PJVK: variants seen among roughly 807,000 people sequenced by gnomAD.
PJVK encodes autosomal recessive deafness type 59 protein.
A neutral mutation model predicts 37.6 loss-of-function variants in PJVK; 33 were observed. The observed-to-expected ratio is 0.88, with a 90% CI of 0.67 to 1.17. PJVK has a LOEUF of 1.17. PJVK is among the 50% of genes most tolerant of loss of function. PJVK has a pLI of 0.00. For missense variants in PJVK, 410 were observed against 413.8 expected, an observed-to-expected ratio of 0.99 and a Z score of 0.08; for synonymous variants, 141 against 143.5, an observed-to-expected ratio of 0.98 and a Z score of 0.13.
At chr2:178,457,742 G>T (rs1684221944) in intron 4 of PJVK, among the ~76,000 whole-genome samples, 1 of 152,178 alleles carries the variant, frequency 6.6e-6, no homozygotes, top group Non-Finnish European at 1.5e-5. Flanking sequence ...GCAGGTTCGA[G>T]CTCAGGACTT....
At chr2:178,454,652 T>A in intron 3 of PJVK, 125 bp downstream of exon 3, 3 of 1,427,194 alleles carry the variant, frequency 2.1e-6, no homozygotes, top group Non-Finnish European at 2.9e-6. Context: ...CTAGATATGT[T>A]TGAAATACAT....
At chr2:178,455,215 C>A in intron 3 of PJVK, 1 of 1,567,404 alleles carries the variant, frequency 6.4e-7, no homozygotes, top group Non-Finnish European at 8.8e-7. Flanking sequence ...TGTCCAGTGA[C>A]CCTGAGATCA....
At chr2:178,460,496 C>G (rs753366298) in intron 6 of PJVK, 50 bp downstream of exon 6, 1 of 1,495,596 alleles carries the variant, frequency 6.7e-7, no homozygotes, top group South Asian at 1.1e-5. Context: ...TCTTTCCTGG[C>G]TTAACACATG....
intron 3 of PJVK, chr2:178,455,546 G>A (rs1249384044): frequency 5.4e-6 from 4 of 737,500 alleles, no homozygotes; most frequent in African/African-American, 5.2e-5. Context: ...GACTGGCCCA[G>A]GCACACAGGT....
Position 178,454,461 on chromosome 2 carries a change from C to A in PJVK, c.341C>A (p.Ala114Asp). ...GGATCAGATTCCATTGCAGTGAAAG[C>A]TTCATTTGGTATAGTAACCAAACAT... ...VAGSDSIAVK[A>D]SFGIVTKHEV... The change falls in exon 3 of 7, where the codon GCT becomes GAT. Residue 114 changes from alanine (A) to aspartate (D), a missense_variant. Ala to Asp is a moderately radical substitution (Grantham distance 126, BLOSUM62 -2). Coordinates refer to ENST00000644580, the MANE Select transcript of PJVK (RefSeq NM_001042702.5). 6.2e-7 allele frequency: 1 copy of A among 1,613,842 alleles called. No individual in the cohort carries two copies. Among genetic ancestry groups the A allele is most frequent in the Middle Eastern group, 1.7e-4 (1 of 6,054 alleles).
At chr2:178,459,195 C>A (rs1187357177) in intron 5 of PJVK, 1 of 472,238 alleles carries the variant, frequency 2.1e-6, no homozygotes. Context: ...TTTCACAGGT[C>A]TTTAAGGTCT....
At chr2:178,460,268 G>A (rs111741352) in intron 5 of PJVK, 80 bp from the exon 6 acceptor site, 2 of 1,144,878 alleles carry the variant, frequency 1.7e-6, no homozygotes, top group Non-Finnish European at 2.6e-6. Context: ...TGAATGATTT[G>A]TACTAGAATT....
intron 3 of PJVK, among the ~76,000 whole-genome samples, chr2:178,455,644 A>C (rs576160034): frequency 7.5e-6 from 1 of 133,870 alleles, no homozygotes; most frequent in Non-Finnish European, 1.6e-5. Context: ...TTGCCCAGCT[A>C]AAAAAAAAAA....
At chr2:178,459,478 T>A (rs899794729) in intron 5 of PJVK, among the ~76,000 whole-genome samples, 1 of 152,192 alleles carries the variant, frequency 6.6e-6, no homozygotes, top group African/African-American at 2.4e-5. Context: ...ATACAGTGCA[T>A]AATAATCACA....
At chr2:178,456,882 G>A (rs1390380727) in intron 4 of PJVK, among the ~76,000 whole-genome samples, 1 of 152,166 alleles carries the variant, frequency 6.6e-6, no homozygotes, top group Non-Finnish European at 1.5e-5. Context: ...TACTATTTAA[G>A]TGCTGTTTTA....
intron 3 of PJVK, chr2:178,454,823 G>A: frequency 7.6e-7 from 1 of 1,316,632 alleles, no homozygotes; most frequent in Non-Finnish European, 1.1e-6. Flanking sequence ...ATGAGGCCCA[G>A]ATCAAGAATG....
chr2:178,454,862 G>C lies in PJVK; in HGVS notation c.407+335G>C. 2.9e-6 allele frequency: 3 copies of C among 1,030,196 alleles called. No individual in the cohort carries two copies. In the East Asian group the frequency reaches 7.1e-5, roughly 24 times the overall value. The allele number at this position is 1,030,196 out of a possible 1,614,324, so 63.8% of individuals were successfully genotyped here. On this transcript the variant is annotated intron_variant, in intron 3 of 6. Coordinates refer to ENST00000644580, the MANE Select transcript of PJVK (RefSeq NM_001042702.5). ...GCCTTGACTCCCCAGGGAAGCAGAAGACTGAGGAAGATGAGGAGGAGGAAG... is the reference window on the plus strand; with the variant it reads ...GCCTTGACTCCCCAGGGAAGCAGAACACTGAGGAAGATGAGGAGGAGGAAG...
In PJVK at chr2:178,454,423, G is replaced by C. The variant is rs1211808584; in HGVS notation, c.303G>C (p.Gly101=). ...RRGNHIVNDV[G]INVAGSDSIA... ...GTAACCATATTGTAAATGACGTTGG[G>C]ATTAACGTTGCTGGATCAGATTCCA... The change falls in exon 3 of 7, where the codon GGG becomes GGC. Residue 101 remains glycine (G), a synonymous_variant. Coordinates refer to ENST00000644580, the MANE Select transcript of PJVK (RefSeq NM_001042702.5). 6.2e-7 allele frequency: 1 copy of C among 1,613,846 alleles called. No homozygotes were observed. Among genetic ancestry groups the C allele is most frequent in the African/African-American group, 1.3e-5 (1 of 74,908 alleles).
intron 1 of PJVK, chr2:178,452,761 T>C (rs1038561775): frequency 4.0e-5 from 13 of 325,212 alleles, no homozygotes; most frequent in Non-Finnish European, 5.3e-5. Context: ...TAGTTACTTA[T>C]ATGTAATGTG....
rs1418180635 is a variant in PJVK, at chr2:178,454,506, T to C, written c.386T>C (p.Leu129Ser). The stretch of plus-strand genomic sequence containing the variant: ...AAACATGAAGTGGAAGTATCAACAT[T>C]ACTCAAAGAAATTACTACACGGTCA... Reference protein sequence around the residue: ...VTKHEVEVSTLLKEITTRKIN... With the variant: ...VTKHEVEVSTSLKEITTRKIN... The change falls in exon 3 of 7, where the codon TTA becomes TCA. Residue 129 changes from leucine to serine, a missense_variant. Transcript: ENST00000644580. The C allele has an allele frequency of 6.2e-7, 1 of 1,613,784 alleles. No homozygotes were observed. The highest frequency in any genetic ancestry group is 1.7e-5 in the Admixed American group (1 of 60,020).
intron 4 of PJVK, among the ~76,000 whole-genome samples, chr2:178,458,257 G>A (rs1575121169): frequency 6.6e-6 from 1 of 152,034 alleles, no homozygotes; most frequent in Non-Finnish European, 1.5e-5. Context: ...TTATGGTTGT[G>A]GTAGCACTAA....
intron 3 of PJVK, 172 bp downstream of exon 3, chr2:178,454,699 C>A: frequency 1.3e-6 from 2 of 1,504,406 alleles, no homozygotes; most frequent in South Asian, 1.2e-5. Flanking sequence ...GGATAGATAT[C>A]AAAAATCACT....
At chr2:178,454,571 A>C (rs1200413770) in intron 3 of PJVK, 44 bp downstream of exon 3, 12 of 1,572,862 alleles carry the variant, frequency 7.6e-6, no homozygotes, top group Non-Finnish European at 9.6e-6. Flanking sequence ...TTCATTAAAT[A>C]CTTTAGGTAT....
chr2:178,452,375 A>G, intron 1 of PJVK: 2 of 985,166 alleles, frequency 2.0e-6, no homozygotes, highest in Non-Finnish European at 2.4e-6. Flanking sequence ...AAAGATGTTC[A>G]GAATCTAATC....
Sources: allele counts gnomAD v4.1 joint callset (sites outside exome capture counted in the v4.1 genomes callset), GRCh38; gene constraint gnomAD v4.1.1; transcripts MANE v1.5; gene names NCBI Gene and HGNC (gene_info 2026-07-23, HGNC 2026-07-21).